TAF1: variants seen among roughly 807,000 people sequenced by gnomAD.
TAF1 encodes TATA-box binding protein associated factor 1.
In TAF1, 2 loss-of-function variants were observed where a neutral mutation model predicts 138.5. The ratio of observed to expected loss-of-function variants is 0.01; its 90% confidence interval spans 0.01 to 0.05. The LOEUF (loss-of-function observed/expected upper bound fraction) is 0.05. Ranked by LOEUF, TAF1 falls within the 10% of genes least tolerant of loss-of-function variation. The pLI is 1.00. For missense variants in TAF1, 709 were observed against 1,478.0 expected (o/e 0.48, Z 8.53); for synonymous variants, 437 against 503.2 (o/e 0.87, Z 1.76).
chrX:71,369,099 C>T (rs1456483084), intron 3 of TAF1: 4 of 110,063 alleles, frequency 3.6e-5, no homozygotes, highest in African/African-American at 1.3e-4. Context: ...ATCCGCCTGC[C>T]TCGGCTTCCC....
chrX:71,431,705 A>C (rs2036894729), intron 32 of TAF1, among the ~76,000 whole-genome samples: 1 of 110,612 alleles, frequency 9.0e-6, no homozygotes, highest in Non-Finnish European at 1.9e-5. Flanking sequence ...TCATGAGGTC[A>C]AGAGATCGAG....
At chrX:71,503,318 A>G (rs1340175705) in intron 13 of TAF1, among the ~76,000 whole-genome samples, 12 of 92,267 alleles carry the variant, frequency 1.3e-4, no homozygotes, top group Non-Finnish European at 2.2e-4. Context: ...ATATATATAT[A>G]TATGTGTGTG....
intron 37 of TAF1, among the ~76,000 whole-genome samples, chrX:71,462,299 C>T (rs752379794): frequency 7.6e-4 from 81 of 106,575 alleles, no homozygotes; most frequent in African/African-American, 2.5e-3. Flanking sequence ...AACTTCCAGC[C>T]GGGCGCGGTG....
At chrX:71,460,113 C>T (rs2038484989) in intron 36 of TAF1, among the ~76,000 whole-genome samples, 1 of 111,453 alleles carries the variant, frequency 9.0e-6, no homozygotes, top group Admixed American at 9.6e-5. Context: ...GGTGTGGTGG[C>T]GAGTGCTTGT....
chrX:71,507,000 G>A (rs1437892446), intron 13 of TAF1, among the ~76,000 whole-genome samples: 3 of 111,909 alleles, frequency 2.7e-5, no homozygotes, highest in Non-Finnish European at 3.8e-5. Context: ...TTCCATTTGC[G>A]TTAAATATCC....
intron 22 of TAF1, 46 bp from the exon 23 acceptor site, chrX:71,397,207 G>T (rs977571691): frequency 8.7e-7 from 1 of 1,151,662 alleles, no homozygotes; most frequent in East Asian, 3.1e-5. Flanking sequence ...ATGATCATTT[G>T]GGAGATAAGG....
At chrX:71,419,006 A>G (rs2036183865) in intron 28 of TAF1, among the ~76,000 whole-genome samples, 1 of 111,155 alleles carries the variant, frequency 9.0e-6, no homozygotes. Flanking sequence ...ACCTCAGGTG[A>G]TCCGCCTGCC....
intron 32 of TAF1, among the ~76,000 whole-genome samples, chrX:71,440,613 C>T (rs926144309): frequency 2.7e-5 from 3 of 109,561 alleles, no homozygotes; most frequent in African/African-American, 6.7e-5. Context: ...GTCACACTTA[C>T]GTCATCATAA....
chrX:71,367,805 G>C (rs2032671064), intron 2 of TAF1, among the ~76,000 whole-genome samples, 192 bp downstream of exon 2: 1 of 111,624 alleles, frequency 9.0e-6, no homozygotes, highest in Non-Finnish European at 1.9e-5. Context: ...TGAGTAGCTG[G>C]GACTACAGGC....
At chrX:71,466,461 T>G (rs888776037), downstream of TAF1, 1 of 111,648 alleles carries the variant, frequency 9.0e-6, no homozygotes, top group African/African-American at 3.3e-5. Context: ...CACTGCAACA[T>G]CCGCCTCCCG....
chrX:71,391,199 T>C (rs779520801), intron 18 of TAF1, among the ~76,000 whole-genome samples: 11 of 111,260 alleles, frequency 9.9e-5, no homozygotes, highest in Non-Finnish European at 1.9e-4. Flanking sequence ...CCTCACTAAC[T>C]TGAGGTTCAT....
chrX:71,372,206 C>T (rs965186664), intron 3 of TAF1, among the ~76,000 whole-genome samples: 1 of 110,047 alleles, frequency 9.1e-6, no homozygotes, highest in African/African-American at 3.3e-5. Context: ...CTGAGGTGGA[C>T]GGATAACTTG....
At position 71,377,130 on chromosome X, in the gene TAF1, A is replaced by C. The variant is rs571774489; in HGVS notation, c.653A>C (p.His218Pro). Residue 218 changes from histidine (H) to proline (P), a missense_variant, in exon 5 of 38, where the codon CAT (histidine) becomes CCT (proline). Transcript: ENST00000423759. ...LTLPLAGIMQ[H>P]DATKLLPSVT... Reference sequence around the variant, plus strand: ...CTTCCATTGGCTGGGATTATGCAGCATGATGCCACCAAGCTGTTGCCAAGT... The same window carrying C: ...CTTCCATTGGCTGGGATTATGCAGCCTGATGCCACCAAGCTGTTGCCAAGT... The C allele has an allele frequency of 8.3e-7, 1 of 1,209,885 alleles. No individual in the cohort carries two copies. The highest frequency in any genetic ancestry group is 3.0e-5 in the East Asian group (1 of 33,782).
chrX:71,424,414 CTTTTTTTT>C (rs140301261), intron 32 of TAF1, among the ~76,000 whole-genome samples, 176 bp downstream of exon 32: 1 of 29,939 alleles, frequency 3.3e-5, no homozygotes, highest in East Asian at 1.2e-3. Context: ...GTGCCAGGCT[CTTTTTTTT>C]TTTTTTTTTT....
intron 36 of TAF1, among the ~76,000 whole-genome samples, chrX:71,460,210 C>G (rs2038490751): frequency 8.9e-6 from 1 of 112,009 alleles, no homozygotes; most frequent in African/African-American, 3.2e-5. Context: ...CATTGCACTA[C>G]AGCTTAGGCA....
At chrX:71,424,524 G>A (rs2036508107) in intron 32 of TAF1, among the ~76,000 whole-genome samples, 1 of 105,987 alleles carries the variant, frequency 9.4e-6, no homozygotes, top group Non-Finnish European at 1.9e-5. Flanking sequence ...TGGGATTACA[G>A]GTGTGAGCCA....
intron 28 of TAF1, among the ~76,000 whole-genome samples, chrX:71,411,568 A>G (rs1194916597): frequency 8.9e-6 from 1 of 112,320 alleles, no homozygotes; most frequent in African/African-American, 3.2e-5. Flanking sequence ...TGCTCCATAT[A>G]CTGTTCTCCA....
At chrX:71,371,045 G>C (rs780672445) in intron 3 of TAF1, among the ~76,000 whole-genome samples, 1 of 111,694 alleles carries the variant, frequency 9.0e-6, no homozygotes, top group Non-Finnish European at 1.9e-5. Context: ...CACCCTGACT[G>C]GGGGGACATG....
intron 13 of TAF1, among the ~76,000 whole-genome samples, chrX:71,509,636 G>A (rs1272366332): frequency 9.0e-6 from 1 of 111,007 alleles, no homozygotes; most frequent in Non-Finnish European, 1.9e-5. Context: ...CCAAGAGTTC[G>A]AGATCATTCC....
Sources: gnomAD v4.1 joint callset for allele counts (sites outside exome capture counted in the v4.1 genomes callset) on GRCh38, gnomAD v4.1.1 for gene constraint, MANE v1.5 for transcripts, NCBI Gene and HGNC (gene_info 2026-07-23, HGNC 2026-07-21) for gene names.